FGD6: variants seen among roughly 807,000 people sequenced by gnomAD.
The protein encoded by FGD6 is FYVE, RhoGEF and PH domain containing 6, also known as FYVE, RhoGEF and PH domain-containing protein 6.
A neutral mutation model predicts 149.4 loss-of-function variants in FGD6; 90 were observed. The ratio of observed to expected loss-of-function variants is 0.60; its 90% CI spans 0.51 to 0.72. The LOEUF is 0.72. Ranked by LOEUF, FGD6 falls within the 30% of genes least tolerant of loss-of-function variation. FGD6 has a pLI of 0.00. For missense variants in FGD6, 1,437 were observed against 1,684.8 expected (o/e 0.85, Z 2.57); for synonymous variants, 527 against 584.0 (o/e 0.90, Z 1.41).
intron 7 of FGD6, among the ~76,000 whole-genome samples, 154 bp from the exon 8 acceptor site, chr12:95,134,980 T>C (rs1185280502): frequency 3.3e-5 from 5 of 152,198 alleles, no homozygotes; most frequent in Non-Finnish European, 4.4e-5. Flanking sequence ...AGCTGTTAGA[T>C]ACACTGAGAG....
intron 14 of FGD6, 48 bp downstream of exon 14, chr12:95,104,959 G>T: frequency 1.4e-6 from 2 of 1,457,074 alleles, no homozygotes; most frequent in South Asian, 2.5e-5. Context: ...CTAGCAAGCA[G>T]ACTCAGAATG....
At chr12:95,160,779 G>A (rs1298650921) in intron 3 of FGD6, among the ~76,000 whole-genome samples, 3 of 152,050 alleles carry the variant, frequency 2.0e-5, no homozygotes, top group African/African-American at 7.2e-5. Flanking sequence ...CAGGAGAATC[G>A]CTTGAACCCA....
At chr12:95,205,268 A>AG (rs11407195) in intron 2 of FGD6, among the ~76,000 whole-genome samples, 1 of 42,196 alleles carries the variant, frequency 2.4e-5, no homozygotes, top group Non-Finnish European at 4.4e-5. Context: ...ACTCTGTCTC[A>AG]AAAAAAAAAA....
intron 9 of FGD6, among the ~76,000 whole-genome samples, chr12:95,112,549 G>A (rs898539591): frequency 1.6e-4 from 25 of 152,126 alleles, no homozygotes; most frequent in African/African-American, 5.1e-4. Context: ...GCAGTGAGCC[G>A]ATATCGTGCC....
Position 95,092,710 on chromosome 12 carries a change from C to G in FGD6, c.3736G>C (p.Ala1246Pro). The G allele has an allele frequency of 6.2e-7, 1 of 1,613,996 alleles. No homozygotes were observed. The highest frequency in any genetic ancestry group is 8.5e-7 in the Non-Finnish European group (1 of 1,179,988). The change falls in exon 16 of 21, where the codon GCC becomes CCC. Residue 1246 changes from alanine to proline, a missense_variant. Ala to Pro is a conservative substitution (Grantham distance 27, BLOSUM62 -1). Transcript: ENST00000343958. Reference sequence around the variant, plus strand: ...TTATCATCGCCAACCTTTCCACAGGCCCGGCAGTGGTGTCGTCTCCAGGTG... The same window carrying G: ...TTATCATCGCCAACCTTTCCACAGGGCCGGCAGTGGTGTCGTCTCCAGGTG... The part of the protein sequence containing the change: ...TLTWRRHHCR[A>P]CGKIVCQACS...
At chr12:95,216,093 T>A (rs926695243) in intron 1 of FGD6, among the ~76,000 whole-genome samples, 11 of 152,250 alleles carry the variant, frequency 7.2e-5, no homozygotes, top group Non-Finnish European at 8.8e-5. Flanking sequence ...CACCCACTTC[T>A]TGCTTTCTTT....
rs1565925278 is a variant in FGD6 at position 95,210,133 on chromosome 12, C to T, written c.1151G>A (p.Ser384Asn). 2.5e-6 allele frequency: 4 copies of T among 1,614,068 alleles called. No individual in the cohort carries two copies. Among genetic ancestry groups the T allele is most frequent in the Non-Finnish European group, 3.4e-6 (4 of 1,179,994 alleles). ...QVDKMKLGNK[S>N]ELNMESNSDA... ...ACTGTTGGATTCCATATTCAATTCA[C>T]TTTTATTTCCTAGCTTCATTTTATC... The change falls in exon 2 of 21, where the codon AGT becomes AAT. Residue 384 changes from serine to asparagine, a missense_variant. Coordinates refer to ENST00000343958, the MANE Select transcript of FGD6 (RefSeq NM_018351.4).
At chr12:95,137,479 C>T (rs1555219244) in intron 7 of FGD6, 43 bp downstream of exon 7, 3 of 1,419,326 alleles carry the variant, frequency 2.1e-6, no homozygotes, top group Non-Finnish European at 2.8e-6. Flanking sequence ...GCTTCAACAA[C>T]AAAAAGAAAG....
At chr12:95,110,289 C>T (rs1878773604) in intron 9 of FGD6, among the ~76,000 whole-genome samples, 1 of 150,254 alleles carries the variant, frequency 6.7e-6, no homozygotes, top group African/African-American at 2.4e-5. Context: ...ATTCTTTCCA[C>T]ATGTATCATC....
intron 2 of FGD6, among the ~76,000 whole-genome samples, chr12:95,176,003 A>T (rs1372618023): frequency 2.6e-5 from 4 of 152,134 alleles, no homozygotes; most frequent in African/African-American, 4.8e-5. Flanking sequence ...AAAATCTAGG[A>T]TCCACATTTT....
At chr12:95,094,327 T>G (rs1251263759) in intron 15 of FGD6, among the ~76,000 whole-genome samples, 2 of 152,166 alleles carry the variant, frequency 1.3e-5, no homozygotes, top group Admixed American at 1.3e-4. Flanking sequence ...TTAAACTGTT[T>G]CGTATTTTCT....
At chr12:95,099,916 T>C (rs1878363292) in intron 14 of FGD6, among the ~76,000 whole-genome samples, 1 of 152,030 alleles carries the variant, frequency 6.6e-6, no homozygotes, top group Admixed American at 6.6e-5. Flanking sequence ...TACTAGGCTC[T>C]ACCTATATTG....
At chr12:95,162,039 G>A (rs1880656925) in intron 3 of FGD6, among the ~76,000 whole-genome samples, 1 of 149,394 alleles carries the variant, frequency 6.7e-6, no homozygotes, top group Non-Finnish European at 1.5e-5. Flanking sequence ...GGAGGCAGGA[G>A]GATCACTTGA....
rs1222163585 is a variant in FGD6 at position 95,108,365 on chromosome 12, T to C, written c.3247A>G (p.Ile1083Val). 3.1e-6 allele frequency: 5 copies of C among 1,613,972 alleles called. No homozygotes were observed. The highest frequency in any genetic ancestry group is 1.3e-5 in the African/African-American group (1 of 74,942). The change falls in exon 11 of 21, where the codon ATT becomes GTT. Residue 1083 changes from isoleucine (I) to valine (V), a missense_variant. By Grantham distance (29) the Ile-to-Val change is conservative (BLOSUM62 3). Transcript: ENST00000343958. ...ATGCTTACCCGACCAGGCTGCACAATTTCATGGTGTCCATTTAAGCTGTAC... is the reference window on the plus strand; with the variant it reads ...ATGCTTACCCGACCAGGCTGCACAACTTCATGGTGTCCATTTAAGCTGTAC... ...IQYSLNGHHEIVQPGRVFLKE... is the reference protein window; with the variant it reads ...IQYSLNGHHEVVQPGRVFLKE...
intron 2 of FGD6, among the ~76,000 whole-genome samples, chr12:95,185,527 G>A (rs1881403507): frequency 6.6e-6 from 1 of 152,134 alleles, no homozygotes; most frequent in Non-Finnish European, 1.5e-5. Flanking sequence ...TGTGTAACTG[G>A]CTAGTTAATT....
intron 2 of FGD6, among the ~76,000 whole-genome samples, chr12:95,175,820 G>GAA (rs1313643366): frequency 4.6e-5 from 6 of 130,004 alleles, no homozygotes; most frequent in African/African-American, 8.5e-5. Context: ...AAAAAAAAAA[G>GAA]AAAAAAAAAA....
Position 95,102,766 on chromosome 12 carries a change from CA to C in FGD6, c.3497+2240del, listed in dbSNP as rs1878491364. ...TCAGACATTTGGTTTGAGTCCTTGA[CA>C]TTCATGGACGTAAGCAAAATTATAA... is the stretch of plus-strand genomic sequence containing the variant. On this transcript the variant is annotated intron_variant, in intron 14 of 20. Transcript: ENST00000343958. Among the ~76,000 whole-genome samples the C allele has an allele frequency of 2.0e-5, 3 of 152,140 alleles. No homozygotes were observed. In the South Asian group the frequency reaches 6.2e-4, roughly 31 times the overall value.
At chr12:95,088,605 A>G (rs534917290) in intron 18 of FGD6, among the ~76,000 whole-genome samples, 1 of 152,370 alleles carries the variant, frequency 6.6e-6, no homozygotes, top group East Asian at 1.9e-4. Flanking sequence ...AAATGAAAAC[A>G]TATGTCCACA....
intron 3 of FGD6, among the ~76,000 whole-genome samples, chr12:95,162,881 T>G (rs1592858682): frequency 6.6e-6 from 1 of 152,264 alleles, no homozygotes; most frequent in East Asian, 1.9e-4. Flanking sequence ...TCCCGAAGAT[T>G]TAAAGCTTAA....
Sources: allele counts gnomAD v4.1 joint callset (sites outside exome capture counted in the v4.1 genomes callset), GRCh38; gene constraint gnomAD v4.1.1; transcripts MANE v1.5; gene names NCBI Gene and HGNC (gene_info 2026-07-23, HGNC 2026-07-21).